The following CALN1 variants were observed in gnomAD, a reference collection of about 807,000 sequenced individuals.
The protein encoded by CALN1 is calneuron 1.
Under a neutral mutation model 30.6 loss-of-function variants are expected in CALN1, and 17 were observed. The observed-to-expected ratio is 0.56, with a 90% confidence interval of 0.38 to 0.83. The LOEUF is 0.83. CALN1 is among the 40% of genes least tolerant of loss of function. The pLI is 0.00. For synonymous variants in CALN1, 156 were observed against 131.4 expected (o/e 1.19, Z -1.28); for missense variants, 291 against 354.9 (o/e 0.82, Z 1.45).
At chr7:72,405,188 C>G in intron 1 of CALN1, among the ~76,000 whole-genome samples, 1 of 152,142 alleles carries the variant, frequency 6.6e-6, no homozygotes, top group Admixed American at 6.5e-5. Flanking sequence ...TCAAAGACAC[C>G]TTAAAGAGAG....
chr7:71,922,589 A>T (rs1562902951), intron 5 of CALN1, among the ~76,000 whole-genome samples: 1 of 140,476 alleles, frequency 7.1e-6, no homozygotes, highest in Non-Finnish European at 1.5e-5. Context: ...CACAGAATGT[A>T]TTATATATAA....
intron 2 of CALN1, among the ~76,000 whole-genome samples, chr7:72,374,571 G>C (rs1585608502): frequency 7.6e-6 from 1 of 131,266 alleles, no homozygotes; most frequent in African/African-American, 2.7e-5. Context: ...AAAAAAAACA[G>C]AAAACTAGAA....
At chr7:72,218,055 G>A (rs1057277166) in intron 3 of CALN1, among the ~76,000 whole-genome samples, 1 of 150,998 alleles carries the variant, frequency 6.6e-6, no homozygotes, top group African/African-American at 2.4e-5. Flanking sequence ...TGTTAGCCAG[G>A]ATGGTCTTGA....
intron 4 of CALN1, among the ~76,000 whole-genome samples, chr7:72,028,220 C>T (rs998091717): frequency 1.3e-5 from 2 of 152,070 alleles, no homozygotes; most frequent in Non-Finnish European, 1.5e-5. Flanking sequence ...ACCAGGAGAA[C>T]GAGGCTGTCT....
chr7:71,906,021 A>C (rs1794116219), intron 5 of CALN1, among the ~76,000 whole-genome samples: 1 of 152,154 alleles, frequency 6.6e-6, no homozygotes, highest in South Asian at 2.1e-4. Flanking sequence ...CATGAGAATG[A>C]ACTCACTACC....
intron 2 of CALN1, among the ~76,000 whole-genome samples, chr7:72,387,824 A>C (rs1266460346): frequency 2.6e-5 from 4 of 152,212 alleles, no homozygotes; most frequent in Non-Finnish European, 5.9e-5. Flanking sequence ...CCCACAGGTG[A>C]TCTGAAAAGG....
intron 5 of CALN1, among the ~76,000 whole-genome samples, chr7:71,963,335 G>C (rs1336893203): frequency 6.6e-6 from 1 of 151,146 alleles, no homozygotes; most frequent in Non-Finnish European, 1.5e-5. Context: ...GCTAATTTTT[G>C]TATTTTTAGT....
At chr7:72,166,710 G>A (rs931017414) in intron 3 of CALN1, among the ~76,000 whole-genome samples, 13 of 152,236 alleles carry the variant, frequency 8.5e-5, no homozygotes, top group Admixed American at 7.8e-4. Context: ...GCTATGAATA[G>A]ATCAGAGTTT....
intron 5 of CALN1, among the ~76,000 whole-genome samples, chr7:71,922,681 ATATATAAATATATAACATACAGAATATAT>A (rs1562903161): frequency 1.9e-4 from 26 of 138,782 alleles, no homozygotes; most frequent in East Asian, 6.0e-4. Flanking sequence ...AGAATATATT[ATATATAAATATATAACATACAGAATATAT>A]TATATAAATA....
At chr7:72,197,016 T>G (rs1044802139) in intron 3 of CALN1, among the ~76,000 whole-genome samples, 2 of 152,146 alleles carry the variant, frequency 1.3e-5, no homozygotes, top group Non-Finnish European at 2.9e-5. Context: ...GTTTATTTTC[T>G]TTAAGAATGG....
At chr7:72,406,628 CTT>C (rs71914682) in intron 1 of CALN1, among the ~76,000 whole-genome samples, 1 of 144,732 alleles carries the variant, frequency 6.9e-6, no homozygotes, top group Admixed American at 6.9e-5. Context: ...TTTTTTTTTT[CTT>C]TTTTAAGACG....
chr7:71,960,299 G>A (rs894723195), intron 5 of CALN1, among the ~76,000 whole-genome samples: 3 of 152,110 alleles, frequency 2.0e-5, no homozygotes, highest in Non-Finnish European at 4.4e-5. Context: ...GTACCCAATA[G>A]GGAATTTTTC....
At chr7:71,945,640 A>G (rs995771627) in intron 5 of CALN1, among the ~76,000 whole-genome samples, 1 of 152,128 alleles carries the variant, frequency 6.6e-6, no homozygotes, top group African/African-American at 2.4e-5. Context: ...AGGGATCTAG[A>G]TTGTGCACTC....
chr7:72,425,672 C>G (rs1807777560), intron 1 of CALN1, among the ~76,000 whole-genome samples: 1 of 152,244 alleles, frequency 6.6e-6, no homozygotes, highest in Non-Finnish European at 1.5e-5. Context: ...AGGCCATTCA[C>G]AGATTACCAT....
At chr7:72,479,064 T>C in the CALN1 span, among the ~76,000 whole-genome samples, 1 of 151,968 alleles carries the variant, frequency 6.6e-6, no homozygotes, top group Non-Finnish European at 1.5e-5. Context: ...GTATTTTTAG[T>C]AGAGATGGGG....
intron 5 of CALN1, among the ~76,000 whole-genome samples, chr7:71,981,437 C>G (rs945985970): frequency 6.6e-6 from 1 of 152,090 alleles, no homozygotes; most frequent in African/African-American, 2.4e-5. Flanking sequence ...CTTTGGGAGG[C>G]TGAGGCGGAA....
chr7:71,875,682 T>G lies in CALN1; in HGVS notation c.502-65190A>C, dbSNP rs1411253073. 2.6e-5 allele frequency among the ~76,000 whole-genome samples: 4 copies of G among 152,100 alleles called. No individual in the cohort carries two copies. In the East Asian group the frequency reaches 7.7e-4, roughly 29 times the overall value. On this transcript the variant is annotated intron_variant, in intron 5 of 6. Transcript: ENST00000395275. ...GCTATGTATCTGGAGAATAGGTGAATAAGAAGCCACCTGTCACTGTCTTTC... is the reference window on the plus strand; with the variant it reads ...GCTATGTATCTGGAGAATAGGTGAAGAAGAAGCCACCTGTCACTGTCTTTC...
chr7:72,418,017 A>C (rs757878640), intron 1 of CALN1, among the ~76,000 whole-genome samples: 5 of 152,146 alleles, frequency 3.3e-5, no homozygotes. Flanking sequence ...GGTTAAATGG[A>C]TATATCGTGT....
At chr7:72,344,875 A>C (rs1802552251) in intron 2 of CALN1, among the ~76,000 whole-genome samples, 8 of 147,644 alleles carry the variant, frequency 5.4e-5, no homozygotes, top group Middle Eastern at 7.1e-3. Flanking sequence ...ATAACACATA[A>C]ATATATAAAT....
Sources: gnomAD v4.1 joint callset for allele counts (sites outside exome capture counted in the v4.1 genomes callset) on GRCh38, gnomAD v4.1.1 for gene constraint, MANE v1.5 for transcripts, NCBI Gene and HGNC (gene_info 2026-07-23, HGNC 2026-07-21) for gene names.